MBTPS1: variants seen among roughly 807,000 people sequenced by gnomAD.
The protein encoded by MBTPS1 is membrane bound transcription factor peptidase, site 1.
MBTPS1 carries 94 observed loss-of-function variants against 127.8 expected under a neutral mutation model. The ratio of observed to expected loss-of-function variants is 0.74; its 90% CI spans 0.62 to 0.87. MBTPS1 has a LOEUF of 0.87. Among genes scored for constraint, MBTPS1 ranks in the 40% least tolerant of loss-of-function variants. MBTPS1 has a pLI of 0.00. For missense variants in MBTPS1, 1,636 were observed against 1,353.2 expected, an observed-to-expected ratio of 1.21 and a Z score of -3.28; for synonymous variants, 632 against 509.4, an observed-to-expected ratio of 1.24 and a Z score of -3.24.
rs569377968 is a variant in MBTPS1 at position 84,060,802 on chromosome 16, G to A, written c.2584C>T (p.Leu862Phe). 3 of 1,584,306 alleles carry A rather than the reference G, an allele frequency of 1.9e-6. No homozygotes were observed. Among genetic ancestry groups the A allele is most frequent in the East Asian group, 2.3e-5 (1 of 43,508 alleles). ...DSHRQKDCFW[L>F]LDALLQYTSY... The stretch of plus-strand genomic sequence containing the variant: ...GTGTACTGGAGGAGGGCATCCAGAA[G>A]CCAAAAGCAGTCTGCGAAGTCAACA... The change falls in exon 20 of 23, where the codon CTT becomes TTT. Residue 862 changes from leucine to phenylalanine, a missense_variant. Coordinates refer to ENST00000343411, the MANE Select transcript of MBTPS1 (RefSeq NM_003791.4).
At chr16:84,092,828 C>A (rs1212492244) in intron 6 of MBTPS1, among the ~76,000 whole-genome samples, 2 of 152,176 alleles carry the variant, frequency 1.3e-5, no homozygotes, top group African/African-American at 4.8e-5. Context: ...ATCAGGGAGG[C>A]AAGCACACTT....
Position 84,095,864 on chromosome 16 carries a change from G to A in MBTPS1, c.422-59C>T, listed in dbSNP as rs552676666. The stretch of plus-strand genomic sequence containing the variant: ...GAGCAAAACGAACTACACGATACCC[G>A]CCAGGCAAAACTATCCTAAACACAG... On this transcript the variant is annotated intron_variant, in intron 3 of 22. Coordinates refer to ENST00000343411, the MANE Select transcript of MBTPS1 (RefSeq NM_003791.4). The A allele has an allele frequency of 1.6e-4, 227 of 1,421,942 alleles. 1 individual carries two copies. In the Middle Eastern group the frequency reaches 2.1e-3, roughly 13 times the overall value. The allele number at this position is 1,421,942 out of a possible 1,614,324, so 88.1% of individuals were successfully genotyped here. A position where few individuals can be genotyped will look rare whatever the true frequency, so the allele number is the denominator to read the frequency against.
intron 2 of MBTPS1, among the ~76,000 whole-genome samples, chr16:84,099,639 G>C: frequency 6.6e-6 from 1 of 152,040 alleles, no homozygotes; most frequent in Non-Finnish European, 1.5e-5. Context: ...CAAAAAATTA[G>C]CTGGGTGTGG....
In MBTPS1 at chr16:84,091,281, T is replaced by G. The variant is rs75703294; in HGVS notation, c.964-339A>C. Among the ~76,000 whole-genome samples, 27 of 151,500 alleles carry G rather than the reference T, an allele frequency of 1.8e-4. No homozygotes were observed. In the East Asian group the frequency reaches 5.3e-3, roughly 30 times the overall value. ...TGGGTGGATCACCTGAGGTCAGGAG[T>G]TGGAGACCAGCCTGGCCAATTCGGT... On this transcript the variant is annotated intron_variant, in intron 7 of 22. Coordinates refer to ENST00000343411, the MANE Select transcript of MBTPS1 (RefSeq NM_003791.4).
At chr16:84,091,099 G>A (rs1274450911) in intron 7 of MBTPS1, among the ~76,000 whole-genome samples, 157 bp from the exon 8 acceptor site, 1 of 152,086 alleles carries the variant, frequency 6.6e-6, no homozygotes, top group Non-Finnish European at 1.5e-5. Context: ...TGCATTTTTA[G>A]AGGATACCAC....
chr16:84,070,489 CTG>C (rs2085753976), intron 13 of MBTPS1, 97 bp downstream of exon 13: 1 of 1,221,542 alleles, frequency 8.2e-7, no homozygotes, highest in Non-Finnish European at 1.2e-6. Context: ...TATCTGTCAA[CTG>C]TACTTCCAAT....
intron 21 of MBTPS1, 114 bp downstream of exon 21, chr16:84,059,188 T>C (rs141919634): frequency 0.019 from 26,001 of 1,370,836 alleles, 375 homozygotes; most frequent in Non-Finnish European, 0.02. Context: ...AATGACAAGC[T>C]TGAAGATCTG....
chr16:84,084,004 G>A (rs751402397), intron 10 of MBTPS1, among the ~76,000 whole-genome samples: 4 of 152,164 alleles, frequency 2.6e-5, no homozygotes, highest in Non-Finnish European at 4.4e-5. Flanking sequence ...CTGTCACCCA[G>A]GCTGGAGTGC....
At chr16:84,088,393 T>C (rs2086059682) in intron 8 of MBTPS1, among the ~76,000 whole-genome samples, 3 of 151,444 alleles carry the variant, frequency 2.0e-5, no homozygotes, top group Admixed American at 2.0e-4. Flanking sequence ...CAGCTGGTCA[T>C]TCAGAGGAAC....
chr16:84,069,022 C>T (rs2085731163), intron 14 of MBTPS1, among the ~76,000 whole-genome samples: 4 of 152,232 alleles, frequency 2.6e-5, no homozygotes, highest in Admixed American at 1.3e-4. Context: ...TGCAGGCCAA[C>T]GGGCTTGCCT....
chr16:84,116,531 A>C (rs1030781377), intron 1 of MBTPS1, among the ~76,000 whole-genome samples: 54 of 152,316 alleles, frequency 3.5e-4, no homozygotes, highest in African/African-American at 1.2e-3. Flanking sequence ...AAGCTGCCGG[A>C]GCGCGCAGAC....
intron 20 of MBTPS1, 82 bp from the exon 21 acceptor site, chr16:84,059,510 AGTCT>A (rs1174709822): frequency 2.2e-6 from 3 of 1,338,666 alleles, no homozygotes; most frequent in Admixed American, 4.0e-5. Flanking sequence ...CCTTATTATG[AGTCT>A]GTCTGCTTTC....
intron 10 of MBTPS1, among the ~76,000 whole-genome samples, chr16:84,084,401 G>T (rs2085987686): frequency 1.3e-5 from 2 of 152,352 alleles, no homozygotes; most frequent in South Asian, 4.1e-4. Context: ...TTGCTATAGA[G>T]AACATTAAAA....
chr16:84,092,577 G>T (rs1206896716), intron 6 of MBTPS1, among the ~76,000 whole-genome samples: 1 of 152,160 alleles, frequency 6.6e-6, no homozygotes, highest in Non-Finnish European at 1.5e-5. Flanking sequence ...GCTGGACGGG[G>T]ACAGGGGTGG....
intron 11 of MBTPS1, among the ~76,000 whole-genome samples, chr16:84,076,222 C>G (rs1450589642): frequency 6.6e-6 from 1 of 152,060 alleles, no homozygotes; most frequent in Non-Finnish European, 1.5e-5. Context: ...AAAATTCAAT[C>G]CACAGTCCTC....
intron 1 of MBTPS1, among the ~76,000 whole-genome samples, chr16:84,105,686 G>C (rs147186616): frequency 6.6e-6 from 1 of 152,278 alleles, no homozygotes; most frequent in East Asian, 1.9e-4. Flanking sequence ...GGGGGGAAGA[G>C]AGGACCTCAA....
chr16:84,083,129 C>T (rs1435200693), intron 10 of MBTPS1, among the ~76,000 whole-genome samples: 1 of 152,216 alleles, frequency 6.6e-6, no homozygotes, highest in East Asian at 1.9e-4. Flanking sequence ...TTCCTGCTAA[C>T]AATCATGGCG....
intron 1 of MBTPS1, among the ~76,000 whole-genome samples, chr16:84,116,240 A>C (rs764190243): frequency 9.2e-5 from 14 of 152,378 alleles, no homozygotes; most frequent in Admixed American, 2.0e-4. Flanking sequence ...AGGTAGCGCA[A>C]CCATGCCAAG....
chr16:84,080,660 T>TG (rs1031350604), intron 11 of MBTPS1, among the ~76,000 whole-genome samples: 24 of 152,352 alleles, frequency 1.6e-4, no homozygotes, highest in African/African-American at 4.6e-4. Context: ...AGGCCCATTC[T>TG]GGGGGGACAC....
Sources: gnomAD v4.1 joint callset for allele counts (sites outside exome capture counted in the v4.1 genomes callset) on GRCh38, gnomAD v4.1.1 for gene constraint, MANE v1.5 for transcripts, NCBI Gene and HGNC (gene_info 2026-07-23, HGNC 2026-07-21) for gene names.